The following ELOVL2 variants were observed in gnomAD, a reference collection of about 807,000 sequenced individuals.
The protein encoded by ELOVL2 is very long chain fatty acid elongase 2.
Under a neutral mutation model 37.7 loss-of-function variants are expected in ELOVL2, and 38 were observed. That is an observed-to-expected ratio of 1.01 (90% CI 0.78 to 1.32). The LOEUF is 1.32. ELOVL2 is among the 40% of genes most tolerant of loss of function. The pLI, the probability that ELOVL2 is intolerant of heterozygous loss-of-function variation, is 0.00. For synonymous variants in ELOVL2, 115 were observed against 122.3 expected (o/e 0.94, Z 0.40); for missense variants, 352 against 363.6 (o/e 0.97, Z 0.26).
chr6:11,006,860 C>T (rs546415147), intron 2 of ELOVL2, among the ~76,000 whole-genome samples: 1 of 152,328 alleles, frequency 6.6e-6, no homozygotes, highest in South Asian at 2.1e-4. Flanking sequence ...CTGAACCCTA[C>T]TCATCTTTTA....
rs76077046 is a variant in ELOVL2, at chr6:10,990,064, A to T, written c.631-227T>A. ...AAAAGTCGCAGTTAAAATTATTTAG[A>T]CAAAAAGGATTTAACTTACACATTA... On this transcript the variant is annotated intron_variant, in intron 6 of 7. Coordinates refer to ENST00000354666, the MANE Select transcript of ELOVL2 (RefSeq NM_017770.4). Among the ~76,000 whole-genome samples the T allele has an allele frequency of 7.9e-3, 1,204 of 152,360 alleles. 15 individuals are homozygous for T. The highest frequency in any genetic ancestry group is 0.027 in the African/African-American group (1,139 of 41,584).
At chr6:10,995,347 C>G (rs1206738435) in intron 4 of ELOVL2, among the ~76,000 whole-genome samples, 169 bp from the exon 5 acceptor site, 1 of 149,554 alleles carries the variant, frequency 6.7e-6, no homozygotes, top group Non-Finnish European at 1.5e-5. Flanking sequence ...TTATTTCAAG[C>G]AATCCACCCA....
chr6:10,998,825 T>A (rs931761768), intron 4 of ELOVL2, among the ~76,000 whole-genome samples: 2 of 152,264 alleles, frequency 1.3e-5, no homozygotes, highest in South Asian at 2.1e-4. Context: ...TGGGTTGTCA[T>A]AGACTAGGCC....
chr6:11,018,534 T>C (rs576354711), intron 1 of ELOVL2, among the ~76,000 whole-genome samples: 1 of 152,354 alleles, frequency 6.6e-6, no homozygotes, highest in African/African-American at 2.4e-5. Flanking sequence ...ATTTTTCAGG[T>C]TCTTAAACTT....
Position 10,980,864 on chromosome 6 carries a change from A to G in ELOVL2, c.*2917T>C, listed in dbSNP as rs899564467. On this transcript the variant is annotated 3_prime_UTR_variant, in exon 8 of 8. Coordinates refer to ENST00000354666, the MANE Select transcript of ELOVL2 (RefSeq NM_017770.4). ...CCCTGTCTACTCCATTCATGATACTATGTTCTTAAGATATAATTACTTTCA... is the reference window on the plus strand; with the variant it reads ...CCCTGTCTACTCCATTCATGATACTGTGTTCTTAAGATATAATTACTTTCA... 7 of 152,636 alleles carry G rather than the reference A, an allele frequency of 4.6e-5. No individual in the cohort carries two copies. Among genetic ancestry groups the G allele is most frequent in the Non-Finnish European group, 8.8e-5 (6 of 68,040 alleles). The allele number at this position is 152,636 out of a possible 1,614,324, so 9.5% of individuals were successfully genotyped here. A position where few individuals can be genotyped will look rare whatever the true frequency, so the allele number is the denominator to read the frequency against.
At chr6:10,985,322 T>G (rs1782028883) in intron 7 of ELOVL2, among the ~76,000 whole-genome samples, 1 of 152,016 alleles carries the variant, frequency 6.6e-6, no homozygotes, top group South Asian at 2.1e-4. Flanking sequence ...GCCTGTTCAC[T>G]CTGATGGTCG....
At chr6:11,015,614 G>A (rs1009904383) in intron 1 of ELOVL2, 20 of 152,452 alleles carry the variant, frequency 1.3e-4, no homozygotes, top group African/African-American at 4.6e-4. Context: ...ATCCATGTAA[G>A]GCAGTCTCAC....
intron 1 of ELOVL2, among the ~76,000 whole-genome samples, chr6:11,039,868 G>C (rs1188734069): frequency 1.4e-4 from 21 of 152,106 alleles, no homozygotes; most frequent in Non-Finnish European, 2.9e-4. Context: ...CTATAAAATA[G>C]AAACCATTTC....
chr6:10,990,202 G>T, intron 6 of ELOVL2, 116 bp downstream of exon 6: 1 of 1,348,358 alleles, frequency 7.4e-7, no homozygotes, highest in Non-Finnish European at 1.0e-6. Context: ...GGCCAATTTT[G>T]GAAAAAAAAT....
At chr6:11,022,328 G>C (rs1391313003) in intron 1 of ELOVL2, among the ~76,000 whole-genome samples, 1 of 152,206 alleles carries the variant, frequency 6.6e-6, no homozygotes, top group African/African-American at 2.4e-5. Flanking sequence ...ACTGCGCTCA[G>C]CAGGCAGCCG....
At chr6:11,010,678 C>T (rs1335753158) in intron 2 of ELOVL2, 68 bp downstream of exon 2, 2 of 1,231,352 alleles carry the variant, frequency 1.6e-6, no homozygotes, top group South Asian at 1.3e-5. Context: ...TAACATAATC[C>T]CTTTCTATAA....
In ELOVL2 at chr6:10,982,285, CAG is replaced by C. The variant is rs1491588393; in HGVS notation, c.*1494_*1495del. 2.0e-5 allele frequency: 3 copies of C among 151,760 alleles called. No homozygotes were observed. Among genetic ancestry groups the C allele is most frequent in the Admixed American group, 1.3e-4 (2 of 15,220 alleles). 9.4% of individuals were successfully genotyped at this position (151,760 alleles called of 1,614,324 possible). A position where few individuals can be genotyped will look rare whatever the true frequency, so the allele number is the denominator to read the frequency against. On this transcript the variant is annotated 3_prime_UTR_variant, in exon 8 of 8. Coordinates refer to ENST00000354666, the MANE Select transcript of ELOVL2 (RefSeq NM_017770.4). Reference sequence around the variant, plus strand: ...CAGGAGAAAGTTTAAAACTAGAGCTCAGGGGGGAAAAAAAGCCGAGAGAGAAA... The same window carrying C: ...CAGGAGAAAGTTTAAAACTAGAGCTCGGGGGAAAAAAAGCCGAGAGAGAAA...
chr6:11,029,360 G>GAACATATCTTC (rs1782886479), intron 1 of ELOVL2, among the ~76,000 whole-genome samples: 1 of 151,446 alleles, frequency 6.6e-6, no homozygotes, highest in South Asian at 2.1e-4. Flanking sequence ...TGTTATCTTT[G>GAACATATCTTC]AACATATCTT....
chr6:11,034,089 G>C (rs1295990307), intron 1 of ELOVL2, among the ~76,000 whole-genome samples: 1 of 152,144 alleles, frequency 6.6e-6, no homozygotes, highest in Non-Finnish European at 1.5e-5. Flanking sequence ...TGGTTAAAGA[G>C]AGAATTTTTC....
At chr6:10,992,791 A>AC (rs1411233976) in intron 5 of ELOVL2, among the ~76,000 whole-genome samples, 1 of 114,514 alleles carries the variant, frequency 8.7e-6, no homozygotes, top group Admixed American at 1.2e-4. Context: ...CATCTCAAAA[A>AC]AAACAAAACA....
intron 5 of ELOVL2, among the ~76,000 whole-genome samples, chr6:10,991,098 G>A (rs911740516): frequency 2.6e-5 from 4 of 152,204 alleles, no homozygotes; most frequent in Admixed American, 6.5e-5. Flanking sequence ...CTCATGAAAC[G>A]TCTCTGTAAC....
intron 1 of ELOVL2, among the ~76,000 whole-genome samples, chr6:11,037,848 G>A (rs1218575196): frequency 6.6e-6 from 1 of 152,106 alleles, no homozygotes; most frequent in African/African-American, 2.4e-5. Context: ...TGAAACTTAA[G>A]ACTTTATATA....
Position 10,984,689 on chromosome 6 carries a change from C to A in ELOVL2, c.766-783G>T, listed in dbSNP as rs571041600. ...TCCATGTCCCTACAAAGGACATGAA[C>A]TCATCATTTTTTATGGCTGCATAGT... On this transcript the variant is annotated intron_variant, in intron 7 of 7. Coordinates refer to ENST00000354666, the MANE Select transcript of ELOVL2 (RefSeq NM_017770.4). Among the ~76,000 whole-genome samples the A allele has an allele frequency of 1.0e-3, 155 of 151,122 alleles. 1 individual carries two copies. The highest frequency in any genetic ancestry group is 3.4e-3 in the African/African-American group (139 of 41,094).
intron 1 of ELOVL2, among the ~76,000 whole-genome samples, chr6:11,035,725 G>C (rs571094564): frequency 6.6e-6 from 1 of 152,314 alleles, no homozygotes; most frequent in Admixed American, 6.5e-5. Context: ...ACATGGACAC[G>C]GAGGCACATT....
Sources: allele counts gnomAD v4.1 joint callset (sites outside exome capture counted in the v4.1 genomes callset), GRCh38; gene constraint gnomAD v4.1.1; transcripts MANE v1.5; gene names NCBI Gene and HGNC (gene_info 2026-07-23, HGNC 2026-07-21).